The following THSD7B variants were observed in gnomAD, a reference collection of about 807,000 sequenced individuals.
The protein encoded by THSD7B is thrombospondin type-1 domain-containing protein 7B.
A neutral mutation model predicts 213.6 loss-of-function variants in THSD7B; 138 were observed. The ratio of observed to expected loss-of-function variants is 0.65; its 90% CI spans 0.56 to 0.74. THSD7B has a LOEUF of 0.74. THSD7B is among the 30% of genes least tolerant of loss of function. THSD7B has a pLI of 0.00. For missense variants in THSD7B, 1,931 were observed against 1,991.5 expected (o/e 0.97, Z 0.58); for synonymous variants, 742 against 687.0 (o/e 1.08, Z -1.25).
chr2:136,934,278 T>C (rs1016575518), intron 2 of THSD7B, among the ~76,000 whole-genome samples: 3 of 152,198 alleles, frequency 2.0e-5, no homozygotes, highest in African/African-American at 4.8e-5. Context: ...TCTATACTTA[T>C]TGCATTGCCA....
chr2:136,944,984 C>T (rs550994244), intron 2 of THSD7B, among the ~76,000 whole-genome samples: 5 of 152,060 alleles, frequency 3.3e-5, no homozygotes, highest in African/African-American at 1.2e-4. Flanking sequence ...TTTGTAGCAT[C>T]GATGGTCTTT....
intron 2 of THSD7B, among the ~76,000 whole-genome samples, chr2:137,005,238 G>A (rs1234074339): frequency 2.0e-5 from 3 of 152,186 alleles, no homozygotes; most frequent in African/African-American, 7.2e-5. Flanking sequence ...TTCTTCTTGA[G>A]CCACCAAATG....
At chr2:137,646,519 G>A (rs1000804967) in intron 21 of THSD7B, among the ~76,000 whole-genome samples, 7 of 148,456 alleles carry the variant, frequency 4.7e-5, no homozygotes, top group South Asian at 2.1e-4. Context: ...GAGTGTGGTC[G>A]CACGTGCCTG....
At chr2:137,063,220 TTTA>T (rs1309995517) in intron 3 of THSD7B, among the ~76,000 whole-genome samples, 1 of 151,918 alleles carries the variant, frequency 6.6e-6, no homozygotes, top group Non-Finnish European at 1.5e-5. Context: ...TTGGATGCTG[TTTA>T]TTATTCACTC....
chr2:137,275,825 A>G, intron 11 of THSD7B, 98 bp from the exon 12 acceptor site: 1 of 849,668 alleles, frequency 1.2e-6, no homozygotes, highest in South Asian at 1.8e-5. Context: ...TTATTGAATT[A>G]CTGTCTTTAC....
rs191493265 is a variant in THSD7B at position 137,519,167 on chromosome 2, A to G, written c.3139-44054A>G. Reference sequence around the variant, plus strand: ...GTCAAGAGGGTGAGGCAGGAGAATCACTTGAACCCAGGAGGTGGAGGTTGC... The same window carrying G: ...GTCAAGAGGGTGAGGCAGGAGAATCGCTTGAACCCAGGAGGTGGAGGTTGC... On this transcript the variant is annotated intron_variant, in intron 15 of 27. Transcript: ENST00000409968. Among the ~76,000 whole-genome samples, 44 of 152,154 alleles carry G rather than the reference A, an allele frequency of 2.9e-4. No individual in the cohort carries two copies. The East Asian group carries it at 8.3e-3, about 29-fold the overall frequency.
chr2:137,325,633 G>A (rs1161549218), intron 12 of THSD7B, among the ~76,000 whole-genome samples: 1 of 152,012 alleles, frequency 6.6e-6, no homozygotes, highest in Non-Finnish European at 1.5e-5. Context: ...TTAGCACAGT[G>A]CCCGATACTC....
At chr2:137,022,366 T>A (rs1368009733) in intron 2 of THSD7B, among the ~76,000 whole-genome samples, 1 of 152,204 alleles carries the variant, frequency 6.6e-6, no homozygotes, top group Non-Finnish European at 1.5e-5. Context: ...ATTACTTTTT[T>A]ATTTCATCAT....
chr2:137,359,172 A>G (rs1685199550), intron 12 of THSD7B, among the ~76,000 whole-genome samples: 2 of 152,184 alleles, frequency 1.3e-5, no homozygotes, highest in Admixed American at 6.5e-5. Flanking sequence ...TCTTCTCCAT[A>G]GAATATTTTC....
chr2:137,072,022 A>G (rs1161711577), intron 3 of THSD7B, among the ~76,000 whole-genome samples: 2 of 152,166 alleles, frequency 1.3e-5, no homozygotes, highest in Non-Finnish European at 2.9e-5. Context: ...CTTGTAGTAT[A>G]GTTTGAAGTC....
At chr2:137,367,366 G>A (rs147933598) in intron 12 of THSD7B, among the ~76,000 whole-genome samples, 1 of 152,072 alleles carries the variant, frequency 6.6e-6, no homozygotes, top group Non-Finnish European at 1.5e-5. Context: ...CATGAAGCAG[G>A]TTACACAGAT....
intron 14 of THSD7B, among the ~76,000 whole-genome samples, chr2:137,437,339 C>T (rs1687316360): frequency 6.6e-6 from 1 of 152,116 alleles, no homozygotes; most frequent in Non-Finnish European, 1.5e-5. Context: ...TCTAAACAGT[C>T]AGTATAAGGA....
intron 10 of THSD7B, among the ~76,000 whole-genome samples, chr2:137,264,104 A>G (rs1302442575): frequency 6.6e-6 from 1 of 152,210 alleles, no homozygotes; most frequent in African/African-American, 2.4e-5. Context: ...GGTACCTCAC[A>G]AATATTTATT....
At chr2:136,846,659 A>C (rs1464242937) in intron 1 of THSD7B, among the ~76,000 whole-genome samples, 1 of 152,130 alleles carries the variant, frequency 6.6e-6, no homozygotes, top group African/African-American at 2.4e-5. Context: ...ATACATTGAA[A>C]ATTGCCCTAC....
chr2:136,795,586 T>G (rs969356756), intron 1 of THSD7B, among the ~76,000 whole-genome samples: 1 of 152,004 alleles, frequency 6.6e-6, no homozygotes, highest in African/African-American at 2.4e-5. Context: ...AGTTAGGTAT[T>G]GTCATTTTTA....
At chr2:136,861,252 G>A (rs1425066329) in intron 1 of THSD7B, among the ~76,000 whole-genome samples, 1 of 152,136 alleles carries the variant, frequency 6.6e-6, no homozygotes, top group Non-Finnish European at 1.5e-5. Context: ...TCATTTTAGG[G>A]TCTCATTATT....
chr2:136,922,788 T>C (rs569464716), intron 2 of THSD7B, among the ~76,000 whole-genome samples: 2 of 152,332 alleles, frequency 1.3e-5, no homozygotes, highest in South Asian at 4.1e-4. Context: ...CACTTTTCTA[T>C]CAAAACAGGA....
intron 7 of THSD7B, among the ~76,000 whole-genome samples, chr2:137,176,422 C>T (rs1680358022): frequency 6.6e-6 from 1 of 152,106 alleles, no homozygotes; most frequent in African/African-American, 2.4e-5. Flanking sequence ...CTCCCACTTA[C>T]CTTTATATAG....
intron 20 of THSD7B, among the ~76,000 whole-genome samples, chr2:137,638,346 A>G (rs1436425153): frequency 6.6e-6 from 1 of 152,124 alleles, no homozygotes; most frequent in African/African-American, 2.4e-5. Context: ...TGGGTTTATC[A>G]GGGGTTTCCG....
Sources: allele counts gnomAD v4.1 joint callset (sites outside exome capture counted in the v4.1 genomes callset), GRCh38; gene constraint gnomAD v4.1.1; transcripts MANE v1.5; gene names NCBI Gene and HGNC (gene_info 2026-07-23, HGNC 2026-07-21).